Variants in SAXO4 observed in about 807,000 individuals in gnomAD.
SAXO4 encodes protein phosphatase 1 regulatory subunit 32.
the SAXO4 span, chr11:61,486,705 A>G: frequency 8.0e-7 from 1 of 1,242,690 alleles, no homozygotes; most frequent in Non-Finnish European, 1.2e-6. Context: ...GAATGAGAAG[A>G]ATTAGGATAT....
the SAXO4 span, chr11:61,485,336 A>G: frequency 6.2e-7 from 1 of 1,613,618 alleles, no homozygotes; most frequent in Non-Finnish European, 8.5e-7. Context: ...TCTCTGTTCC[A>G]GGGCCCACGC....
chr11:61,482,799 C>T, the SAXO4 span: 8 of 1,608,870 alleles, frequency 5.0e-6, no homozygotes, highest in Middle Eastern at 1.7e-4. Flanking sequence ...CGGGTCCCCC[C>T]ACCAAGGAGG....
chr11:61,487,154 A>G, the SAXO4 span: 1 of 1,613,838 alleles, frequency 6.2e-7, no homozygotes, highest in Non-Finnish European at 8.5e-7. Context: ...AGGAGCCCAC[A>G]GGGTTCAGCC....
the SAXO4 span, chr11:61,486,940 C>A: frequency 3.1e-6 from 5 of 1,612,500 alleles, no homozygotes; most frequent in Admixed American, 5.0e-5. Flanking sequence ...TGGTTCTGTG[C>A]CCTGCAGGTG....
At chr11:61,485,850 A>G in the SAXO4 span, 2 of 1,613,970 alleles carry the variant, frequency 1.2e-6, no homozygotes. Context: ...GGCTTCACCA[A>G]ACAGTCCCAC....
chr11:61,486,110 G>T, the SAXO4 span, among the ~76,000 whole-genome samples: 1 of 152,220 alleles, frequency 6.6e-6, no homozygotes, highest in Non-Finnish European at 1.5e-5. Context: ...GATGAAGGAG[G>T]TGTAGCCAAT....
chr11:61,486,214 G>A, the SAXO4 span: 1 of 924,346 alleles, frequency 1.1e-6, no homozygotes, highest in Non-Finnish European at 1.7e-6. Flanking sequence ...CCTTTTCTCA[G>A]TGATGCCCAT....
the SAXO4 span, among the ~76,000 whole-genome samples, chr11:61,483,029 T>C: frequency 6.6e-6 from 1 of 150,908 alleles, no homozygotes; most frequent in Non-Finnish European, 1.5e-5. Flanking sequence ...CCACCTCCAT[T>C]TCCATCCCCA....
chr11:61,487,326 GAGA>G, the SAXO4 span: 15 of 1,176,016 alleles, frequency 1.3e-5, no homozygotes, highest in Non-Finnish European at 1.8e-5. Flanking sequence ...CAGCCTCGTG[GAGA>G]AGATCAATGC....
At chr11:61,486,604 C>T in the SAXO4 span, 4 of 1,614,002 alleles carry the variant, frequency 2.5e-6, no homozygotes, top group Non-Finnish European at 3.4e-6. Flanking sequence ...GGATTCTGAA[C>T]CCCAGAGTGA....
chr11:61,485,318 C>T, the SAXO4 span: 1 of 1,612,656 alleles, frequency 6.2e-7, no homozygotes, highest in Non-Finnish European at 8.5e-7. Flanking sequence ...GCCCCCACTC[C>T]TCCAACCTCT....
chr11:61,486,243 T>A, the SAXO4 span: 1 of 1,263,648 alleles, frequency 7.9e-7, no homozygotes, highest in Non-Finnish European at 1.1e-6. Flanking sequence ...AGTCCTCCTC[T>A]GTGCTCAGCA....
the SAXO4 span, among the ~76,000 whole-genome samples, chr11:61,490,170 C>T: frequency 9.9e-5 from 15 of 152,176 alleles, no homozygotes; most frequent in African/African-American, 2.9e-4. Context: ...TCTCCTGCCC[C>T]TGTTCCCCAG....
the SAXO4 span, chr11:61,481,731 G>C: frequency 2.6e-5 from 20 of 757,316 alleles, no homozygotes; most frequent in Non-Finnish European, 3.6e-5. Flanking sequence ...GCCCCTGTGG[G>C]CTTCCGAGCC....
chr11:61,486,729 GGT>G, the SAXO4 span: 2 of 1,057,802 alleles, frequency 1.9e-6, no homozygotes, highest in South Asian at 2.7e-5. Flanking sequence ...GGGATGTGGA[GGT>G]AGGCCCTCAG....
At chr11:61,483,960 G>T in the SAXO4 span, among the ~76,000 whole-genome samples, 2 of 152,098 alleles carry the variant, frequency 1.3e-5, no homozygotes, top group South Asian at 4.2e-4. Context: ...ATAAAGCCAG[G>T]CGTGGTGGCT....
At chr11:61,490,021 CCT>C in the SAXO4 span, 10 of 1,422,796 alleles carry the variant, frequency 7.0e-6, no homozygotes, top group African/African-American at 1.4e-5. Flanking sequence ...CCCTTCCTCT[CCT>C]CTCTTGCTGT....
the SAXO4 span, chr11:61,490,080 T>A: frequency 1.1e-6 from 1 of 884,516 alleles, no homozygotes; most frequent in Non-Finnish European, 1.7e-6. Flanking sequence ...TGGCTGGCTC[T>A]GGTGTCCCTT....
At chr11:61,486,440 C>T in the SAXO4 span, 52 of 1,613,426 alleles carry the variant, frequency 3.2e-5, 1 homozygote, top group South Asian at 2.9e-4. Flanking sequence ...GACCGCCTGG[C>T]GGGGAGCAGT....
Sources: allele counts gnomAD v4.1 joint callset (sites outside exome capture counted in the v4.1 genomes callset), GRCh38; gene constraint gnomAD v4.1.1; transcripts MANE v1.5; gene names NCBI Gene and HGNC (gene_info 2026-07-23, HGNC 2026-07-21).